Variants in NR3C2 observed in about 807,000 individuals in gnomAD.
NR3C2 encodes nuclear receptor subfamily 3 group C member 2, also known as mineralocorticoid receptor.
A neutral mutation model predicts 86.4 loss-of-function variants in NR3C2; 15 were observed. The observed-to-expected ratio is 0.17, with a 90% CI of 0.12 to 0.27. The LOEUF (loss-of-function observed/expected upper bound fraction) is 0.27, where lower values mean the gene tolerates loss of function less well. Among genes scored for constraint, NR3C2 ranks in the 10% least tolerant of loss-of-function variants. The pLI is 1.00. For synonymous variants in NR3C2, 458 were observed against 450.5 expected (o/e 1.02, Z -0.21); for missense variants, 960 against 1,195.6 (o/e 0.80, Z 2.91).
intron 2 of NR3C2, among the ~76,000 whole-genome samples, chr4:148,406,344 A>G (rs773310877): frequency 6.6e-6 from 1 of 152,174 alleles, no homozygotes; most frequent in Non-Finnish European, 1.5e-5. Context: ...GTAAGTATAG[A>G]GAAGGGGAAT....
chr4:148,280,523 A>T (rs1741180169), intron 2 of NR3C2, among the ~76,000 whole-genome samples: 1 of 152,122 alleles, frequency 6.6e-6, no homozygotes. Flanking sequence ...TTTTGAGACA[A>T]GATCTTACAT....
chr4:148,202,749 A>G (rs1736789191), intron 3 of NR3C2, among the ~76,000 whole-genome samples: 1 of 152,126 alleles, frequency 6.6e-6, no homozygotes, highest in Non-Finnish European at 1.5e-5. Flanking sequence ...TGAGCTCCTG[A>G]GCTTGAATCC....
chr4:148,135,067 G>A (rs1733234987), intron 6 of NR3C2, among the ~76,000 whole-genome samples: 1 of 152,156 alleles, frequency 6.6e-6, no homozygotes, highest in South Asian at 2.1e-4. Flanking sequence ...AGAACTGGAG[G>A]GTGGCAGAAT....
At chr4:148,333,553 T>C (rs933864829) in intron 2 of NR3C2, among the ~76,000 whole-genome samples, 2 of 131,524 alleles carry the variant, frequency 1.5e-5, no homozygotes, top group Admixed American at 7.7e-5. Flanking sequence ...TCCCTAGTGA[T>C]TGGAGAATGA....
At chr4:148,086,281 C>T (rs531842144) in intron 8 of NR3C2, among the ~76,000 whole-genome samples, 9 of 152,306 alleles carry the variant, frequency 5.9e-5, no homozygotes, top group South Asian at 4.1e-4. Context: ...TTATCTACCA[C>T]GATCAAGTCG....
intron 2 of NR3C2, among the ~76,000 whole-genome samples, chr4:148,277,083 A>T (rs921592544): frequency 1.3e-5 from 2 of 152,218 alleles, no homozygotes; most frequent in African/African-American, 4.8e-5. Context: ...CTTCTGTACT[A>T]GTCTTTAAAA....
chr4:148,275,394 T>A (rs369431687), intron 2 of NR3C2, among the ~76,000 whole-genome samples: 7 of 152,220 alleles, frequency 4.6e-5, no homozygotes, highest in Admixed American at 1.3e-4. Flanking sequence ...TTATGAGGAA[T>A]TCAATTTACT....
chr4:148,140,087 G>C (rs918566181), intron 6 of NR3C2, among the ~76,000 whole-genome samples: 5 of 152,170 alleles, frequency 3.3e-5, no homozygotes, highest in African/African-American at 7.2e-5. Context: ...CTGTGTCAAG[G>C]GGGGAGTCTG....
chr4:148,318,145 C>G (rs1156723616), intron 2 of NR3C2, among the ~76,000 whole-genome samples: 4 of 151,382 alleles, frequency 2.6e-5, no homozygotes, highest in Admixed American at 2.0e-4. Context: ...TTGTTCTTGC[C>G]ATAGTTTACT....
At chr4:148,431,562 C>G (rs545617584) in intron 2 of NR3C2, among the ~76,000 whole-genome samples, 10 of 152,110 alleles carry the variant, frequency 6.6e-5, no homozygotes, top group Non-Finnish European at 4.4e-5. Context: ...TTACATTTAG[C>G]TTTGTCATAA....
At position 148,261,237 on chromosome 4, in the gene NR3C2, A is replaced by C. The variant is rs550365724; in HGVS notation, c.1758-1120T>G. Among the ~76,000 whole-genome samples, 918 of 150,736 alleles carry C rather than the reference A, an allele frequency of 6.1e-3. 7 individuals are homozygous for C. Among genetic ancestry groups the C allele is most frequent in the Middle Eastern group, 0.014 (4 of 292 alleles). ...GGTAAGCCCTATGGTGCACTATGGT[A>C]AGCGCTATGGTGCACTATGGTCAGC... is the stretch of plus-strand genomic sequence containing the variant. On this transcript the variant is annotated intron_variant, in intron 2 of 8. Coordinates refer to ENST00000358102, the MANE Select transcript of NR3C2 (RefSeq NM_000901.5).
At chr4:148,139,339 C>T (rs1243031970) in intron 6 of NR3C2, among the ~76,000 whole-genome samples, 1 of 152,170 alleles carries the variant, frequency 6.6e-6, no homozygotes, top group Non-Finnish European at 1.5e-5. Context: ...TAAATTCCAA[C>T]CTCACAGAGT....
intron 2 of NR3C2, among the ~76,000 whole-genome samples, chr4:148,295,336 T>C (rs186019269): frequency 4.0e-4 from 61 of 151,960 alleles, no homozygotes; most frequent in African/African-American, 1.4e-3. Context: ...AAATAAACAC[T>C]GTCCTGAATA....
At chr4:148,259,240 A>G (rs1349763452) in intron 3 of NR3C2, among the ~76,000 whole-genome samples, 1 of 152,224 alleles carries the variant, frequency 6.6e-6, no homozygotes, top group Non-Finnish European at 1.5e-5. Context: ...ACTAATAGCA[A>G]AAATTCTACA....
chr4:148,246,405 A>C (rs1300583445), intron 3 of NR3C2, among the ~76,000 whole-genome samples: 3 of 152,230 alleles, frequency 2.0e-5, no homozygotes, highest in Non-Finnish European at 2.9e-5. Flanking sequence ...TATTTAATAC[A>C]GAGTTGAGGA....
intron 8 of NR3C2, among the ~76,000 whole-genome samples, chr4:148,107,571 C>T (rs35480965): frequency 0.22 from 33,366 of 152,032 alleles, 3,908 homozygotes; most frequent in Middle Eastern, 0.38. Flanking sequence ...ACACTATTTA[C>T]GACAGCAAAG....
upstream of NR3C2, chr4:148,442,682 TACA>T: frequency 1.0e-6 from 1 of 985,358 alleles, no homozygotes; most frequent in South Asian, 4.7e-5. Context: ...ACATGACTGA[TACA>T]AAGTTGCTGC....
chr4:148,361,056 A>G (rs1330001264), intron 2 of NR3C2, among the ~76,000 whole-genome samples: 3 of 152,188 alleles, frequency 2.0e-5, no homozygotes, highest in Non-Finnish European at 4.4e-5. Flanking sequence ...CTCCAGCAAG[A>G]CAAAGACCAT....
At chr4:148,146,371 C>G (rs761613358) in intron 6 of NR3C2, 1 of 152,728 alleles carries the variant, frequency 6.5e-6, no homozygotes, top group Non-Finnish European at 1.5e-5. Flanking sequence ...CACGGTGGGA[C>G]AGACTTTGGA....
Sources: gnomAD v4.1 joint callset for allele counts (sites outside exome capture counted in the v4.1 genomes callset) on GRCh38, gnomAD v4.1.1 for gene constraint, MANE v1.5 for transcripts, NCBI Gene and HGNC (gene_info 2026-07-23, HGNC 2026-07-21) for gene names.